WWP1: variants seen among roughly 807,000 people sequenced by gnomAD.
WWP1 encodes NEDD4-like E3 ubiquitin-protein ligase WWP1.
In WWP1, 49 loss-of-function variants were observed where a neutral mutation model predicts 130.6. That is an observed-to-expected ratio of 0.38 (90% CI 0.30 to 0.48). The LOEUF (loss-of-function observed/expected upper bound fraction) is 0.48, where lower values mean the gene tolerates loss of function less well. WWP1 is among the 20% of genes least tolerant of loss of function. The pLI, the probability that WWP1 is intolerant of heterozygous loss-of-function variation, is 0.99. For missense variants in WWP1, 809 were observed against 1,100.6 expected (o/e 0.74, Z 3.75); for synonymous variants, 332 against 367.8 (o/e 0.90, Z 1.11).
intron 9 of WWP1, among the ~76,000 whole-genome samples, chr8:86,422,667 C>T (rs1252107869): frequency 6.6e-6 from 1 of 152,038 alleles, no homozygotes; most frequent in East Asian, 1.9e-4. Flanking sequence ...GCCACCACGC[C>T]CGGCCCACCA....
intron 9 of WWP1, among the ~76,000 whole-genome samples, chr8:86,412,461 A>C (rs533108541): frequency 2.6e-5 from 4 of 152,286 alleles, no homozygotes; most frequent in Admixed American, 6.5e-5. Context: ...CACTGATAAT[A>C]CTAATATTAA....
intron 5 of WWP1, among the ~76,000 whole-genome samples, chr8:86,390,908 T>C (rs7830480): frequency 0.73 from 110,955 of 152,004 alleles, 41,360 homozygotes; most frequent in African/African-American, 0.82. Flanking sequence ...GGCTCCCTAT[T>C]GTTTTCTCGT....
intron 8 of WWP1, among the ~76,000 whole-genome samples, chr8:86,409,597 T>C (rs1426565700): frequency 1.3e-5 from 2 of 150,930 alleles, no homozygotes; most frequent in African/African-American, 2.4e-5. Flanking sequence ...CAGTGGCTCA[T>C]GCCTGTAATC....
Position 86,399,085 on chromosome 8 carries a change from T to C in WWP1, c.539+447T>C, listed in dbSNP as rs543772939. On this transcript the variant is annotated intron_variant, in intron 7 of 24. Transcript: ENST00000517970. Reference sequence around the variant, plus strand: ...TGACCTTTTGTGACTGACTTCTTTTTCTTAGCATGTTTCAAGGTTCATTTA... The same window carrying C: ...TGACCTTTTGTGACTGACTTCTTTTCCTTAGCATGTTTCAAGGTTCATTTA... 8.5e-5 allele frequency among the ~76,000 whole-genome samples: 13 copies of C among 152,340 alleles called. No individual in the cohort carries two copies. In the South Asian group the frequency reaches 2.7e-3, roughly 32 times the overall value.
At chr8:86,445,951 C>CTTTTCTTTTCTTTTA (rs1810838440) in intron 18 of WWP1, among the ~76,000 whole-genome samples, 1 of 92,100 alleles carries the variant, frequency 1.1e-5, no homozygotes, top group African/African-American at 4.5e-5. Context: ...GCTTATATGT[C>CTTTTCTTTTCTTTTA]TTTTCTTTTC....
intron 1 of WWP1, among the ~76,000 whole-genome samples, chr8:86,349,589 G>C (rs1202492928): frequency 2.0e-5 from 3 of 152,170 alleles, no homozygotes; most frequent in Non-Finnish European, 2.9e-5. Context: ...TTTTGAGTCT[G>C]AGCATGCCAC....
chr8:86,380,784 A>C lies in WWP1; in HGVS notation c.129A>C (p.Glu43Asp). The change falls in exon 4 of 25, where the codon GAA becomes GAC. Residue 43 changes from glutamate (E) to aspartate (D), a missense_variant. Physicochemically the swap from Glu to Asp is conservative, Grantham distance 45. Coordinates refer to ENST00000517970, the MANE Select transcript of WWP1 (RefSeq NM_007013.4). ...KNWFGTAIYTEVVVDGEITKT... is the reference protein window; with the variant it reads ...KNWFGTAIYTDVVVDGEITKT... The stretch of plus-strand genomic sequence containing the variant: ...GGTTCGGAACAGCAATATATACAGA[A>C]GTAGTTGTAGATGGAGAAATTACGA... The C allele has an allele frequency of 6.2e-7, 1 of 1,613,416 alleles. No individual in the cohort carries two copies. Among genetic ancestry groups the C allele is most frequent in the Non-Finnish European group, 8.5e-7 (1 of 1,179,740 alleles).
At chr8:86,466,189 T>C (rs946081317) in intron 24 of WWP1, among the ~76,000 whole-genome samples, 1 of 152,206 alleles carries the variant, frequency 6.6e-6, no homozygotes, top group Admixed American at 6.5e-5. Context: ...ATTTTAAGCA[T>C]TTTTTAGTAT....
At chr8:86,362,057 T>TAC (rs1295321271) in intron 1 of WWP1, among the ~76,000 whole-genome samples, 6 of 49,340 alleles carry the variant, frequency 1.2e-4, no homozygotes, top group African/African-American at 5.7e-4. Flanking sequence ...CACACATATA[T>TAC]ACACACATAT....
At position 86,342,592 on chromosome 8, in the gene WWP1, C is replaced by A. The variant is rs1318421245; in HGVS notation, c.-453C>A. On this transcript the variant is annotated 5_prime_UTR_variant, in exon 1 of 25. Transcript: ENST00000517970. ...GGCTTTGGGCGGCCGCGGCGTAGCG[C>A]GCGGTGCCGGGGCCGGCGGGGAGGC... 2 of 164,300 alleles carry A rather than the reference C, an allele frequency of 1.2e-5. No homozygotes were observed. Among genetic ancestry groups the A allele is most frequent in the Non-Finnish European group, 2.6e-5 (2 of 77,306 alleles). 10.2% of individuals were successfully genotyped at this position (164,300 alleles called of 1,614,324 possible).
At chr8:86,377,229 G>T (rs957162795) in intron 3 of WWP1, among the ~76,000 whole-genome samples, 14 of 151,558 alleles carry the variant, frequency 9.2e-5, no homozygotes, top group Non-Finnish European at 1.5e-4. Context: ...GAGATTACAG[G>T]TGCATGCCAG....
chr8:86,410,369 T>C (rs1808514980), intron 8 of WWP1, among the ~76,000 whole-genome samples: 1 of 152,198 alleles, frequency 6.6e-6, no homozygotes, highest in Non-Finnish European at 1.5e-5. Context: ...CTTTTTTTCT[T>C]TCCCTTGAGT....
chr8:86,440,321 G>C (rs1810523183), intron 17 of WWP1, among the ~76,000 whole-genome samples: 1 of 151,940 alleles, frequency 6.6e-6, no homozygotes, highest in Non-Finnish European at 1.5e-5. Context: ...TTCATGTATT[G>C]GTGGGCTAGA....
At position 86,442,687 on chromosome 8, in the gene WWP1, A is replaced by G. The variant is rs759377599; in HGVS notation, c.1907A>G (p.Lys636Arg). The part of the protein sequence containing the change: ...PMYCLFEYAG[K>R]NNYCLQINPA... The stretch of plus-strand genomic sequence containing the variant: ...TATTGCTTATTTGAGTATGCGGGCA[A>G]GAACAACTATTGTCTGCAGATAAAT... Residue 636 changes from lysine (K) to arginine (R), a missense_variant, in exon 18 of 25, where the codon AAG becomes AGG. By Grantham distance (26) the Lys-to-Arg change is conservative. Transcript: ENST00000517970. The G allele has an allele frequency of 1.2e-6, 2 of 1,612,794 alleles. No homozygotes were observed. Among genetic ancestry groups the G allele is most frequent in the Non-Finnish European group, 1.7e-6 (2 of 1,179,636 alleles).
rs1354145736 is a variant in WWP1, at chr8:86,467,007, C to T, written c.*114C>T. 3 of 716,354 alleles carry T rather than the reference C, an allele frequency of 4.2e-6. No homozygotes were observed. The highest frequency in any genetic ancestry group is 5.8e-5 in the Admixed American group (2 of 34,736). 44.4% of individuals were successfully genotyped at this position (716,354 alleles called of 1,614,324 possible). ...TGTACAGTGAATTTTCCGAACCTCT[C>T]AAAGTATGTTTTCCGTTCTTCCACA... On this transcript the variant is annotated 3_prime_UTR_variant, in exon 25 of 25. Coordinates refer to ENST00000517970, the MANE Select transcript of WWP1 (RefSeq NM_007013.4).
chr8:86,438,747 A>G (rs1586463939), intron 17 of WWP1, 74 bp downstream of exon 17: 1 of 1,196,388 alleles, frequency 8.4e-7, no homozygotes, highest in Non-Finnish European at 1.1e-6. Flanking sequence ...TCTTCAAAAC[A>G]TATGTGAATA....
At chr8:86,439,681 T>C (rs1456917698) in intron 17 of WWP1, among the ~76,000 whole-genome samples, 2 of 152,326 alleles carry the variant, frequency 1.3e-5, no homozygotes, top group East Asian at 3.9e-4. Context: ...ATTCACTAAA[T>C]ATATTGTTAA....
At chr8:86,415,813 A>T (rs1217519319) in intron 9 of WWP1, among the ~76,000 whole-genome samples, 1 of 152,156 alleles carries the variant, frequency 6.6e-6, no homozygotes, top group Non-Finnish European at 1.5e-5. Context: ...TAGCACTTAA[A>T]TTATGTGACA....
At position 86,461,839 on chromosome 8, in the gene WWP1, C is replaced by T; in HGVS notation, c.2662C>T (p.His888Tyr). The T allele has an allele frequency of 6.2e-7, 1 of 1,613,084 alleles. No individual in the cohort carries two copies. Among genetic ancestry groups the T allele is most frequent in the Non-Finnish European group, 8.5e-7 (1 of 1,179,270 alleles). ...CAAAGACACTTGGTTACCAAGAAGC[C>T]ATACATGGTAAGTTCAAGAATCCTA... ...VGKDTWLPRS[H>Y]TCFNRLDLPP... The change falls in exon 24 of 25, where the codon CAT becomes TAT. Residue 888 changes from histidine (H) to tyrosine (Y), a missense_variant. Physicochemically the swap from His to Tyr is moderately conservative, Grantham distance 83. Around this residue, in one of 3 missense-constraint regions of WWP1, gnomAD observed 450 missense variants for 674.2 expected, o/e 0.67. Coordinates refer to ENST00000517970, the MANE Select transcript of WWP1 (RefSeq NM_007013.4).
Sources: gnomAD v4.1 joint callset for allele counts (sites outside exome capture counted in the v4.1 genomes callset) on GRCh38, gnomAD v4.1.1 for gene constraint, gnomAD v4.1.1 regional missense constraint, MANE v1.5 for transcripts, NCBI Gene and HGNC (gene_info 2026-07-23, HGNC 2026-07-21) for gene names.